Variants in ZNF83 observed in about 807,000 individuals in gnomAD.
The protein encoded by ZNF83 is zinc finger protein 816B.
For missense variants in ZNF83, 552 were observed against 629.9 expected, an observed-to-expected ratio of 0.88 and a Z score of 1.32; for synonymous variants, 209 against 213.0, an observed-to-expected ratio of 0.98 and a Z score of 0.17.
intron 3 of ZNF83, among the ~76,000 whole-genome samples, chr19:52,648,082 T>TC (rs2061396770): frequency 6.6e-6 from 1 of 151,924 alleles, no homozygotes; most frequent in Non-Finnish European, 1.5e-5. Context: ...TGCCTTGCTG[T>TC]TCTTCATCTC....
At chr19:52,647,946 T>TCC (rs1381877157) in intron 3 of ZNF83, among the ~76,000 whole-genome samples, 2 of 151,492 alleles carry the variant, frequency 1.3e-5, no homozygotes, top group African/African-American at 2.4e-5. Context: ...CCCAGCTGTG[T>TCC]TCCCTGCTGT....
intron 2 of ZNF83, among the ~76,000 whole-genome samples, chr19:52,627,162 C>A (rs760057406): frequency 6.6e-6 from 1 of 151,574 alleles, no homozygotes; most frequent in Admixed American, 6.6e-5. Context: ...TGTAACTATC[C>A]ACTGCTTACC....
chr19:52,683,241 T>C (rs1178105681), intron 1 of ZNF83, among the ~76,000 whole-genome samples: 1 of 54,420 alleles, frequency 1.8e-5, no homozygotes, highest in Non-Finnish European at 3.8e-5. Context: ...TGTGTGTGTG[T>C]GTGTGTGTGT....
intron 3 of ZNF83, among the ~76,000 whole-genome samples, chr19:52,647,936 C>A (rs968151990): frequency 2.0e-5 from 3 of 151,610 alleles, no homozygotes; most frequent in Non-Finnish European, 2.9e-5. Context: ...ACCCTAGATT[C>A]CCAGCTGTGT....
upstream of ZNF83, among the ~76,000 whole-genome samples, chr19:52,643,379 T>C (rs1218064402): frequency 6.8e-6 from 1 of 146,076 alleles, no homozygotes; most frequent in East Asian, 2.0e-4. Flanking sequence ...AAAAAAGGCA[T>C]TAACGATGTG....
upstream of ZNF83, among the ~76,000 whole-genome samples, chr19:52,640,476 C>T (rs1044027435): frequency 6.6e-6 from 1 of 152,202 alleles, no homozygotes; most frequent in African/African-American, 2.4e-5. Context: ...ACAATGATCC[C>T]ATGAGGTCTT....
chr19:52,631,958 C>T (rs1185234470), intron 2 of ZNF83, among the ~76,000 whole-genome samples: 2 of 142,512 alleles, frequency 1.4e-5, no homozygotes, highest in African/African-American at 5.2e-5. Flanking sequence ...CCCTACACAT[C>T]AAGCTCGAGG....
chr19:52,686,078 A>C (rs1728263998), intron 1 of ZNF83, among the ~76,000 whole-genome samples: 1 of 152,142 alleles, frequency 6.6e-6, no homozygotes, highest in African/African-American at 2.4e-5. Context: ...AAACTGAAAA[A>C]TAGACTAACT....
intron 2 of ZNF83, among the ~76,000 whole-genome samples, chr19:52,634,275 GCAA>G (rs993223636): frequency 8.9e-4 from 93 of 103,928 alleles, no homozygotes; most frequent in Non-Finnish European, 1.5e-3. Context: ...CCATCTCAAA[GCAA>G]CAACAATAAT....
chr19:52,633,657 T>C (rs10413131), intron 2 of ZNF83, among the ~76,000 whole-genome samples: 82,435 of 152,048 alleles, frequency 0.54, 23,333 homozygotes, highest in African/African-American at 0.65. Context: ...TGCCTGTAAT[T>C]CCAGCACTTC....
intron 2 of ZNF83, among the ~76,000 whole-genome samples, chr19:52,632,707 G>A (rs530404371): frequency 4.5e-4 from 68 of 152,170 alleles, no homozygotes; most frequent in African/African-American, 1.3e-3. Context: ...ATTAGATGTC[G>A]TAGTTCCTCC....
chr19:52,653,950 G>T, intron 3 of ZNF83: 1 of 1,212,724 alleles, frequency 8.2e-7, no homozygotes, highest in Non-Finnish European at 1.2e-6. Flanking sequence ...CAATAATGAA[G>T]AATGGAGAAA....
chr19:52,627,054 C>T (rs1197098365), intron 2 of ZNF83, among the ~76,000 whole-genome samples: 2 of 152,070 alleles, frequency 1.3e-5, no homozygotes, highest in Admixed American at 6.6e-5. Context: ...ACTGATCGAT[C>T]GACCTTGAGA....
chr19:52,653,285 T>G, intron 3 of ZNF83: 1 of 1,427,392 alleles, frequency 7.0e-7, no homozygotes, highest in African/African-American at 1.4e-5. Context: ...GCTTTTTGAT[T>G]AAAAACCTTA....
intron 1 of ZNF83, among the ~76,000 whole-genome samples, chr19:52,683,226 CTCTG>C (rs1486962348): frequency 9.7e-4 from 132 of 135,768 alleles, no homozygotes; most frequent in African/African-American, 2.4e-3. Flanking sequence ...TGCCCTGTGA[CTCTG>C]TGTGTGTGTG....
chr19:52,651,151 C>G (rs1286778551), intron 3 of ZNF83: 1 of 152,208 alleles, frequency 6.6e-6, no homozygotes, highest in African/African-American at 2.4e-5. Flanking sequence ...TCAAACTGTT[C>G]AAACCACTCA....
chr19:52,615,023 T>A (rs1005005325), intron 2 of ZNF83, among the ~76,000 whole-genome samples: 1 of 152,164 alleles, frequency 6.6e-6, no homozygotes, highest in African/African-American at 2.4e-5. Context: ...AAGCCTAGTA[T>A]AAAGAAACCT....
intron 1 of ZNF83, among the ~76,000 whole-genome samples, chr19:52,664,325 G>A (rs189867414): frequency 2.6e-5 from 4 of 151,940 alleles, no homozygotes; most frequent in East Asian, 3.9e-4. Flanking sequence ...GAGAAAGCCC[G>A]TCTCTATGAG....
At chr19:52,680,675 C>T (rs570384599) in intron 1 of ZNF83, among the ~76,000 whole-genome samples, 40 of 129,962 alleles carry the variant, frequency 3.1e-4, no homozygotes, top group South Asian at 1.2e-3. Context: ...TGCAGTGGCG[C>T]GATCTCGGCT....
Sources: gnomAD v4.1 joint callset for allele counts (sites outside exome capture counted in the v4.1 genomes callset) on GRCh38, gnomAD v4.1.1 for gene constraint, MANE v1.5 for transcripts, NCBI Gene and HGNC (gene_info 2026-07-23, HGNC 2026-07-21) for gene names.